Variants in FYB1 observed in about 807,000 individuals in gnomAD.
The protein encoded by FYB1 is FYN binding protein 1.
Under a neutral mutation model 94.1 loss-of-function variants are expected in FYB1, and 41 were observed. That is an observed-to-expected ratio of 0.44 (90% CI 0.34 to 0.57). FYB1 has a LOEUF of 0.57. Among genes scored for constraint, FYB1 ranks in the 20% least tolerant of loss-of-function variants. The pLI is 0.02. For synonymous variants in FYB1, 367 were observed against 353.2 expected (o/e 1.04, Z -0.44); for missense variants, 1,050 against 976.8 (o/e 1.07, Z -1.00).
At chr5:39,158,467 G>A (rs901153311) in intron 2 of FYB1, among the ~76,000 whole-genome samples, 3 of 152,170 alleles carry the variant, frequency 2.0e-5, no homozygotes, top group African/African-American at 7.2e-5. Context: ...GTGGATTTGA[G>A]GGCAATGGAA....
chr5:39,199,140 C>T (rs983105760), intron 2 of FYB1, among the ~76,000 whole-genome samples: 5 of 151,574 alleles, frequency 3.3e-5, no homozygotes, highest in Admixed American at 3.3e-4. Context: ...TATTTATTTT[C>T]TACTTACATA....
chr5:39,144,849 C>A (rs66496885), intron 3 of FYB1, among the ~76,000 whole-genome samples: 3 of 151,802 alleles, frequency 2.0e-5, no homozygotes, highest in Non-Finnish European at 4.4e-5. Flanking sequence ...TATATGCCAA[C>A]GTAGATGTGT....
intron 1 of FYB1, among the ~76,000 whole-genome samples, chr5:39,266,133 GT>G (rs1362375412): frequency 5.9e-5 from 9 of 152,118 alleles, no homozygotes; most frequent in African/African-American, 1.9e-4. Context: ...TTATTCTATT[GT>G]TTTCATTTTA....
intron 11 of FYB1, among the ~76,000 whole-genome samples, chr5:39,126,549 T>C (rs773276946): frequency 6.6e-6 from 1 of 151,250 alleles, no homozygotes; most frequent in African/African-American, 2.4e-5. Flanking sequence ...TAAAAAACAT[T>C]AGCTGGGTGT....
At chr5:39,243,788 C>G (rs1237567633) in intron 1 of FYB1, among the ~76,000 whole-genome samples, 1 of 152,088 alleles carries the variant, frequency 6.6e-6, no homozygotes, top group East Asian at 1.9e-4. Context: ...GAATGTTCTT[C>G]CATTTGTTTG....
intron 10 of FYB1, 30 bp from the exon 11 acceptor site, chr5:39,127,837 T>C: frequency 1.9e-6 from 3 of 1,576,000 alleles, no homozygotes; most frequent in Non-Finnish European, 2.6e-6. Context: ...AAATCTTCTG[T>C]TAATTTTATA....
At chr5:39,139,194 A>G in intron 5 of FYB1, 39 bp downstream of exon 5, 1 of 1,436,518 alleles carries the variant, frequency 7.0e-7, no homozygotes, top group Non-Finnish European at 9.4e-7. Flanking sequence ...AAATATTCTG[A>G]TTATGTCAAT....
At chr5:39,194,942 A>G (rs1747699312) in intron 2 of FYB1, among the ~76,000 whole-genome samples, 1 of 152,136 alleles carries the variant, frequency 6.6e-6, no homozygotes, top group East Asian at 1.9e-4. Context: ...TGGAGTAAAA[A>G]GAAGAGTGAC....
intron 3 of FYB1, among the ~76,000 whole-genome samples, chr5:39,141,614 A>T (rs988744518): frequency 3.2e-4 from 49 of 152,310 alleles, no homozygotes; most frequent in African/African-American, 1.1e-3. Context: ...ACAGGGCAAA[A>T]CACCGTCTCT....
At chr5:39,132,847 T>C (rs900706684) in intron 9 of FYB1, among the ~76,000 whole-genome samples, 3 of 152,210 alleles carry the variant, frequency 2.0e-5, no homozygotes, top group Non-Finnish European at 4.4e-5. Context: ...ATGCTTGACA[T>C]AGTCATGAAA....
intron 2 of FYB1, among the ~76,000 whole-genome samples, chr5:39,183,852 C>A (rs1174515336): frequency 2.0e-5 from 3 of 152,144 alleles, no homozygotes; most frequent in Middle Eastern, 3.4e-3. Context: ...AGGAAGGGGG[C>A]TATGGTGGTG....
intron 2 of FYB1, among the ~76,000 whole-genome samples, chr5:39,195,614 G>C (rs751284379): frequency 4.3e-4 from 65 of 152,170 alleles, no homozygotes; most frequent in Admixed American, 9.8e-4. Context: ...TTGCTGTCAA[G>C]GTGCTTAACT....
chr5:39,197,352 A>G (rs1013176653), intron 2 of FYB1, among the ~76,000 whole-genome samples: 1 of 152,164 alleles, frequency 6.6e-6, no homozygotes, highest in East Asian at 1.9e-4. Context: ...TAATTATACC[A>G]TGCAGCAAAT....
At chr5:39,159,360 G>A (rs7710762) in intron 2 of FYB1, among the ~76,000 whole-genome samples, 95,746 of 152,046 alleles carry the variant, frequency 0.63, 31,516 homozygotes, top group South Asian at 0.73. Context: ...GCCAGAGTCT[G>A]TATTGGTGAA....
chr5:39,193,126 G>A (rs1158428541), intron 2 of FYB1, among the ~76,000 whole-genome samples: 1 of 152,180 alleles, frequency 6.6e-6, no homozygotes, highest in Non-Finnish European at 1.5e-5. Context: ...CAGAGTAGGA[G>A]ACTTGGGGAG....
chr5:39,262,444 ACAGTT>A (rs2111649510), intron 1 of FYB1, among the ~76,000 whole-genome samples: 1 of 152,374 alleles, frequency 6.6e-6, no homozygotes, highest in South Asian at 2.1e-4. Context: ...ATAATGAAGT[ACAGTT>A]TTACGTGTAA....
At chr5:39,247,962 C>T (rs78770566) in intron 1 of FYB1, among the ~76,000 whole-genome samples, 1 of 150,802 alleles carries the variant, frequency 6.6e-6, no homozygotes, top group Non-Finnish European at 1.5e-5. Flanking sequence ...GGAATTTGCT[C>T]CAGCAGTTTA....
chr5:39,203,544 A>C (rs1748571714), intron 1 of FYB1, among the ~76,000 whole-genome samples: 1 of 151,966 alleles, frequency 6.6e-6, no homozygotes, highest in Admixed American at 6.6e-5. Flanking sequence ...TAACAGGGAG[A>C]TGTGGCAGAA....
chr5:39,201,352 C>T (rs902991935), intron 2 of FYB1, among the ~76,000 whole-genome samples: 16 of 152,102 alleles, frequency 1.1e-4, no homozygotes, highest in Admixed American at 5.2e-4. Flanking sequence ...CCAGTAGCAC[C>T]CTCCAGTTGT....
Sources: allele counts gnomAD v4.1 joint callset (sites outside exome capture counted in the v4.1 genomes callset), GRCh38; gene constraint gnomAD v4.1.1; transcripts MANE v1.5; gene names NCBI Gene and HGNC (gene_info 2026-07-23, HGNC 2026-07-21).